Variants in DOCK5 observed in about 807,000 individuals in gnomAD.
DOCK5 encodes dedicator of cytokinesis protein 5.
A neutral mutation model predicts 251.8 loss-of-function variants in DOCK5; 142 were observed. That is an observed-to-expected ratio of 0.56 (90% CI 0.49 to 0.65). The LOEUF (loss-of-function observed/expected upper bound fraction) is 0.65, where lower values mean the gene tolerates loss of function less well. Ranked by LOEUF, DOCK5 falls within the 30% of genes least tolerant of loss-of-function variation. DOCK5 has a pLI of 0.00. For missense variants in DOCK5, 2,111 were observed against 2,312.3 expected, an observed-to-expected ratio of 0.91 and a Z score of 1.79; for synonymous variants, 842 against 835.5, an observed-to-expected ratio of 1.01 and a Z score of -0.13.
intron 1 of DOCK5, among the ~76,000 whole-genome samples, chr8:25,212,576 C>G (rs1207638465): frequency 1.4e-5 from 1 of 71,160 alleles, no homozygotes; most frequent in Non-Finnish European, 4.6e-5. Flanking sequence ...GGATGTACCT[C>G]TGCTCAAAAC....
chr8:25,381,272 A>G (rs1801062675), intron 39 of DOCK5, among the ~76,000 whole-genome samples: 2 of 152,210 alleles, frequency 1.3e-5, no homozygotes, highest in Non-Finnish European at 2.9e-5. Flanking sequence ...CTTTGTAAAA[A>G]GTTTACCAGT....
chr8:25,243,116 A>C (rs1802996852), intron 1 of DOCK5, among the ~76,000 whole-genome samples: 1 of 152,018 alleles, frequency 6.6e-6, no homozygotes, highest in African/African-American at 2.4e-5. Flanking sequence ...CTTCCACTCA[A>C]CTGTTAAGTT....
chr8:25,201,011 A>G (rs1801867897), intron 1 of DOCK5, among the ~76,000 whole-genome samples: 1 of 152,232 alleles, frequency 6.6e-6, no homozygotes, highest in African/African-American at 2.4e-5. Flanking sequence ...GGTTCAAACA[A>G]TTCTTCTGCC....
intron 36 of DOCK5, 104 bp from the exon 37 acceptor site, chr8:25,374,460 A>T (rs553982883): frequency 1.8e-6 from 2 of 1,085,750 alleles, no homozygotes; most frequent in African/African-American, 3.1e-5. Context: ...GGACCACTGC[A>T]TACTGCAGCC....
At chr8:25,325,247 C>G in intron 17 of DOCK5, 117 bp from the exon 18 acceptor site, 1 of 1,064,418 alleles carries the variant, frequency 9.4e-7, no homozygotes, top group South Asian at 1.6e-5. Context: ...AAGGGATCTT[C>G]AGGATAAATT....
intron 40 of DOCK5, among the ~76,000 whole-genome samples, chr8:25,387,400 C>CAGTG (rs1442277727): frequency 1.3e-5 from 2 of 152,090 alleles, no homozygotes; most frequent in Non-Finnish European, 2.9e-5. Flanking sequence ...GGCTCAAGAC[C>CAGTG]AGTGATCTTT....
chr8:25,391,945 CG>C lies in DOCK5; in HGVS notation c.4407del (p.Gly1471GlufsTer54). 6.2e-7 allele frequency: 1 copy of C among 1,613,818 alleles called. No homozygotes were observed. The highest frequency in any genetic ancestry group is 1.1e-5 in the South Asian group (1 of 91,040). Reference protein sequence around the residue: ...VQQFRYSRPFRKGEKDPDNEF... With the variant: ...VQQFRYSRPFXKGEKDPDNEF... ...GCAGTTCAGATACTCCCGGCCGTTC[CG>C]GAAAGGAGAAAAGGATCCAGACAAT... On this transcript the variant is annotated frameshift_variant, in exon 43 of 52. Transcript: ENST00000276440. LOFTEE classifies it high-confidence loss of function.
intron 1 of DOCK5, among the ~76,000 whole-genome samples, chr8:25,201,187 G>A (rs936435773): frequency 9.2e-5 from 14 of 152,166 alleles, no homozygotes; most frequent in East Asian, 1.9e-4. Context: ...GATTACAGGC[G>A]TGAGCCACTG....
chr8:25,375,101 G>C (rs1800941375), intron 37 of DOCK5: 6 of 691,184 alleles, frequency 8.7e-6, no homozygotes, highest in Non-Finnish European at 1.1e-5. Flanking sequence ...ATTATTTCTA[G>C]CCCTGAGCAC....
intron 27 of DOCK5, among the ~76,000 whole-genome samples, chr8:25,354,027 TA>T (rs1291938160): frequency 1.3e-3 from 10 of 7,768 alleles, no homozygotes; most frequent in African/African-American, 2.0e-3. Context: ...GACTTTGTCT[TA>T]AAAAAAAAAA....
chr8:25,372,171 C>T lies in DOCK5; in HGVS notation c.3525-388C>T, dbSNP rs146640560. On this transcript the variant is annotated intron_variant, in intron 34 of 51. Coordinates refer to ENST00000276440, the MANE Select transcript of DOCK5 (RefSeq NM_024940.8). ...AATAAAGACATAGGAAAAATGGTCT[C>T]ATACAACTAATTAGAGTCCTCACAG... Among the ~76,000 whole-genome samples, 121 of 152,336 alleles carry T rather than the reference C, an allele frequency of 7.9e-4. 2 individuals are homozygous for T. The East Asian group carries it at 0.021, about 26-fold the overall frequency.
At chr8:25,283,670 G>C (rs1210659989) in intron 5 of DOCK5, among the ~76,000 whole-genome samples, 1 of 152,058 alleles carries the variant, frequency 6.6e-6, no homozygotes, top group Non-Finnish European at 1.5e-5. Flanking sequence ...GCTCCCTTCT[G>C]TATGGCCCCT....
chr8:25,189,330 A>AT (rs1237904994), intron 1 of DOCK5, among the ~76,000 whole-genome samples: 1 of 151,618 alleles, frequency 6.6e-6, no homozygotes, highest in African/African-American at 2.4e-5. Context: ...TGTTGCTAGG[A>AT]TTACAGGGGT....
chr8:25,374,813 G>T (rs368648416), intron 37 of DOCK5, 159 bp downstream of exon 37: 4 of 1,510,184 alleles, frequency 2.6e-6, no homozygotes, highest in Non-Finnish European at 3.5e-6. Context: ...CAGCTAATTT[G>T]TAGATCAAGT....
At chr8:25,397,153 T>G (rs1586394094) in intron 45 of DOCK5, among the ~76,000 whole-genome samples, 1 of 149,140 alleles carries the variant, frequency 6.7e-6, no homozygotes, top group Non-Finnish European at 1.5e-5. Context: ...ACCCGGGAGG[T>G]GGAGGCTGCA....
chr8:25,186,049 T>C (rs1319990379), intron 1 of DOCK5, among the ~76,000 whole-genome samples: 1 of 152,198 alleles, frequency 6.6e-6, no homozygotes, highest in Non-Finnish European at 1.5e-5. Context: ...GGTCCTGTTT[T>C]TCCTCACCTC....
chr8:25,368,210 G>A lies in DOCK5; in HGVS notation c.3243G>A (p.Lys1081=). The change falls in exon 32 of 52, where the codon AAG becomes AAA. Residue 1081 remains lysine, a synonymous_variant. Coordinates refer to ENST00000276440, the MANE Select transcript of DOCK5 (RefSeq NM_024940.8). ...TTCCTAGATATGGGGACATGAGAAA[G>A]GAAATCGGCTTTAGAATCCGGGACA... ...KIVKKYGDMR[K]EIGFRIRDMW... is the part of the protein sequence containing the mutation. The A allele has an allele frequency of 6.2e-7, 1 of 1,612,724 alleles. No individual in the cohort carries two copies. The highest frequency in any genetic ancestry group is 2.2e-5 in the East Asian group (1 of 44,864).
intron 11 of DOCK5, among the ~76,000 whole-genome samples, chr8:25,306,412 A>G (rs1804926309): frequency 6.6e-6 from 1 of 152,226 alleles, no homozygotes; most frequent in Non-Finnish European, 1.5e-5. Context: ...TTTAATAAAC[A>G]TGTTGAATTT....
intron 18 of DOCK5, among the ~76,000 whole-genome samples, 200 bp downstream of exon 18, chr8:25,325,747 C>T (rs17053390): frequency 0.024 from 3,626 of 152,220 alleles, 69 homozygotes; most frequent in South Asian, 0.1. Flanking sequence ...GAAGTTTCAT[C>T]GTCCACTTTA....
Sources: allele counts gnomAD v4.1 joint callset (sites outside exome capture counted in the v4.1 genomes callset), GRCh38; gene constraint gnomAD v4.1.1; transcripts MANE v1.5; gene names NCBI Gene and HGNC (gene_info 2026-07-23, HGNC 2026-07-21).